The following CUBN variants were observed in gnomAD, a reference collection of about 807,000 sequenced individuals.
The protein encoded by CUBN is cubilin.
CUBN carries 282 observed loss-of-function variants against 405.3 expected under a neutral mutation model. The observed-to-expected ratio is 0.70, with a 90% CI of 0.63 to 0.77. CUBN has a LOEUF of 0.77. Ranked by LOEUF, CUBN falls within the 30% of genes least tolerant of loss-of-function variation. The pLI is 0.00. For synonymous variants in CUBN, 1,684 were observed against 1,617.0 expected, an observed-to-expected ratio of 1.04 and a Z score of -0.99; for missense variants, 4,514 against 4,475.2, an observed-to-expected ratio of 1.01 and a Z score of -0.25.
In CUBN at chr10:16,877,032, T is replaced by C; in HGVS notation, c.8971A>G (p.Met2991Val). The C allele has an allele frequency of 6.2e-7, 1 of 1,614,142 alleles. No homozygotes were observed. Among genetic ancestry groups the C allele is most frequent in the Non-Finnish European group, 8.5e-7 (1 of 1,180,036 alleles). The change falls in exon 57 of 67, where the codon ATG becomes GTG. Residue 2991 changes from methionine (M) to valine (V), a missense_variant. Transcript: ENST00000377833. ...CACACAGTAGCAAATGGGGTGGACA[T>C]GACGCTGTAACCTCTGATAATGTGC... is the stretch of plus-strand genomic sequence containing the variant. The part of the protein sequence containing the change: ...GVHIIRGYSV[M>V]STPFATVCGD...
intron 48 of CUBN, among the ~76,000 whole-genome samples, chr10:16,908,847 CACT>C (rs1311779777): frequency 2.0e-5 from 3 of 151,000 alleles, no homozygotes; most frequent in East Asian, 3.9e-4. Context: ...AAGGAGAATG[CACT>C]CCACAACAAA....
intron 54 of CUBN, among the ~76,000 whole-genome samples, chr10:16,891,890 C>A (rs2669151): frequency 1.2e-4 from 18 of 151,086 alleles, no homozygotes; most frequent in Non-Finnish European, 2.4e-4. Context: ...GCTACACAAT[C>A]TGCAATACCC....
intron 59 of CUBN, among the ~76,000 whole-genome samples, chr10:16,862,160 T>TCTCTCTCTCTCTCACACACACA: frequency 7.6e-6 from 1 of 131,206 alleles, no homozygotes; most frequent in African/African-American, 3.2e-5. Flanking sequence ...TCTCTCTCTC[T>TCTCTCTCTCTCTCACACACACA]CACACACACA....
At chr10:17,018,183 G>A (rs1484356176) in intron 28 of CUBN, among the ~76,000 whole-genome samples, 4 of 152,124 alleles carry the variant, frequency 2.6e-5, no homozygotes, top group African/African-American at 9.7e-5. Flanking sequence ...CTTTTAACTG[G>A]CCAAGAGGTG....
intron 27 of CUBN, among the ~76,000 whole-genome samples, chr10:17,021,326 C>T (rs1016029284): frequency 1.3e-5 from 2 of 152,204 alleles, no homozygotes; most frequent in East Asian, 3.9e-4. Flanking sequence ...ACACAAAAAT[C>T]TCTCTACTAT....
intron 22 of CUBN, among the ~76,000 whole-genome samples, chr10:17,055,897 T>A (rs1043771627): frequency 6.6e-6 from 1 of 152,150 alleles, no homozygotes; most frequent in African/African-American, 2.4e-5. Context: ...AGTTTTTTTA[T>A]ATATTGAAAA....
intron 28 of CUBN, among the ~76,000 whole-genome samples, chr10:16,994,781 G>A (rs1250664917): frequency 6.6e-6 from 1 of 152,148 alleles, no homozygotes; most frequent in Non-Finnish European, 1.5e-5. Context: ...GAAGATAAAA[G>A]AAGATAATTT....
intron 10 of CUBN, among the ~76,000 whole-genome samples, chr10:17,108,203 T>A (rs1447469467): frequency 2.0e-5 from 3 of 152,220 alleles, no homozygotes; most frequent in Non-Finnish European, 2.9e-5. Context: ...GGTGCTATTA[T>A]TATCCTCATT....
chr10:16,978,893 C>G (rs1226283168), intron 31 of CUBN, among the ~76,000 whole-genome samples: 2 of 152,168 alleles, frequency 1.3e-5, no homozygotes, highest in Non-Finnish European at 2.9e-5. Context: ...GAGAGGAAGT[C>G]AAATTGTCTC....
intron 40 of CUBN, among the ~76,000 whole-genome samples, chr10:16,928,952 G>A (rs1426004064): frequency 1.3e-5 from 2 of 151,610 alleles, no homozygotes; most frequent in Non-Finnish European, 2.9e-5. Flanking sequence ...CTGTCGATTA[G>A]AGACTCTGAC....
intron 26 of CUBN, among the ~76,000 whole-genome samples, chr10:17,043,016 A>G (rs749987040): frequency 2.4e-4 from 37 of 152,176 alleles, no homozygotes; most frequent in Non-Finnish European, 4.4e-4. Flanking sequence ...TCTCTATCAA[A>G]TAACAAATTC....
intron 66 of CUBN, among the ~76,000 whole-genome samples, chr10:16,825,695 C>T (rs758059916): frequency 1.2e-4 from 17 of 146,538 alleles, no homozygotes; most frequent in Non-Finnish European, 1.9e-4. Flanking sequence ...CATGGGTCCC[C>T]GTTGTCTCTC....
chr10:16,991,785 T>C (rs1194618949), intron 28 of CUBN, among the ~76,000 whole-genome samples: 1 of 152,196 alleles, frequency 6.6e-6, no homozygotes, highest in Non-Finnish European at 1.5e-5. Context: ...ACTTTTACAC[T>C]GTTGGTGGGA....
intron 56 of CUBN, among the ~76,000 whole-genome samples, chr10:16,879,318 A>G (rs1287902685): frequency 1.3e-5 from 2 of 152,232 alleles, no homozygotes; most frequent in African/African-American, 2.4e-5. Flanking sequence ...GATGATTAAC[A>G]ATGTGAAATA....
intron 56 of CUBN, among the ~76,000 whole-genome samples, chr10:16,878,590 T>A (rs1446477585): frequency 6.6e-6 from 1 of 152,178 alleles, no homozygotes; most frequent in African/African-American, 2.4e-5. Context: ...TACCAAATGA[T>A]CCCTAGATTG....
intron 8 of CUBN, among the ~76,000 whole-genome samples, chr10:17,113,080 A>C (rs1285330424): frequency 6.6e-6 from 1 of 152,148 alleles, no homozygotes; most frequent in Non-Finnish European, 1.5e-5. Context: ...AGCCTGGCCA[A>C]CATGGCAAAC....
chr10:17,078,732 G>A lies in CUBN; in HGVS notation c.2301+5539C>T, dbSNP rs1245224322. ...TCCCTATTACACATGAGGAAGCTGT[G>A]GCTTACAGGTATCTTGCCTTTAGTA... On this transcript the variant is annotated intron_variant, in intron 17 of 66. Coordinates refer to ENST00000377833, the MANE Select transcript of CUBN (RefSeq NM_001081.4). Among the ~76,000 whole-genome samples the A allele has an allele frequency of 2.0e-5, 3 of 152,108 alleles. No homozygotes were observed. The East Asian group carries it at 5.8e-4, about 29-fold the overall frequency.
At chr10:16,916,070 G>A (rs1270331073) in intron 45 of CUBN, 40 bp from the exon 46 acceptor site, 1 of 1,586,418 alleles carries the variant, frequency 6.3e-7, no homozygotes, top group Non-Finnish European at 8.6e-7. Flanking sequence ...AAGAAAGCAA[G>A]CAAGCAAGAA....
intron 27 of CUBN, among the ~76,000 whole-genome samples, chr10:17,039,827 T>C (rs1834977333): frequency 6.6e-6 from 1 of 152,188 alleles, no homozygotes; most frequent in Non-Finnish European, 1.5e-5. Flanking sequence ...TATTGTACTT[T>C]TGTAAATATA....
Sources: gnomAD v4.1 joint callset for allele counts (sites outside exome capture counted in the v4.1 genomes callset) on GRCh38, gnomAD v4.1.1 for gene constraint, MANE v1.5 for transcripts, NCBI Gene and HGNC (gene_info 2026-07-23, HGNC 2026-07-21) for gene names.